Variants in EHMT1 observed in about 807,000 individuals in gnomAD.
EHMT1 encodes histone-lysine N-methyltransferase EHMT1.
EHMT1 carries 15 observed loss-of-function variants against 147.2 expected under a neutral mutation model. The ratio of observed to expected loss-of-function variants is 0.10; its 90% CI spans 0.07 to 0.16. The LOEUF (loss-of-function observed/expected upper bound fraction) is 0.16. Among genes scored for constraint, EHMT1 ranks in the 10% least tolerant of loss-of-function variants. The pLI is 1.00. For missense variants in EHMT1, 1,587 were observed against 1,772.4 expected (o/e 0.90, Z 1.88); for synonymous variants, 795 against 709.6 (o/e 1.12, Z -1.91).
chr9:137,641,212 A>G (rs1844460820), intron 1 of EHMT1: 1 of 419,284 alleles, frequency 2.4e-6, no homozygotes, highest in South Asian at 1.9e-5. Context: ...CTGGTTCCTC[A>G]GGATGCCTCT....
At chr9:137,692,424 C>T (rs557283700) in intron 1 of EHMT1, among the ~76,000 whole-genome samples, 5 of 151,850 alleles carry the variant, frequency 3.3e-5, no homozygotes, top group South Asian at 4.2e-4. Context: ...ACCACCGCGC[C>T]GGGCTAGTGT....
At chr9:137,717,229 G>A (rs759574667) in intron 3 of EHMT1, 47 bp downstream of exon 3, 8 of 1,601,086 alleles carry the variant, frequency 5.0e-6, no homozygotes, top group Non-Finnish European at 5.9e-6. Flanking sequence ...CATCTCTTTT[G>A]TTTTAATAAC....
intron 1 of EHMT1, chr9:137,676,629 GC>G (rs376869291): frequency 5.8e-4 from 88 of 152,614 alleles, no homozygotes; most frequent in African/African-American, 1.9e-3. Context: ...CCCTGCCCCC[GC>G]AAGCCTTTAC....
At chr9:137,694,243 G>C (rs10123486) in intron 1 of EHMT1, among the ~76,000 whole-genome samples, 1 of 96,974 alleles carries the variant, frequency 1.0e-5, no homozygotes, top group Admixed American at 1.1e-4. Flanking sequence ...CAGGACGCTG[G>C]CCGATACCCC....
At chr9:137,791,815 T>C (rs1952547316) in intron 16 of EHMT1, among the ~76,000 whole-genome samples, 1 of 152,170 alleles carries the variant, frequency 6.6e-6, no homozygotes, top group Non-Finnish European at 1.5e-5. Flanking sequence ...TACTGCAACC[T>C]CCACCTCCCA....
chr9:137,756,402 T>C (rs985447340), intron 8 of EHMT1, among the ~76,000 whole-genome samples: 4 of 152,352 alleles, frequency 2.6e-5, no homozygotes, highest in East Asian at 1.9e-4. Flanking sequence ...TTTGTTCTTA[T>C]TCACAGTGAT....
chr9:137,821,463 G>A (rs1287783941), intron 25 of EHMT1, among the ~76,000 whole-genome samples: 1 of 151,702 alleles, frequency 6.6e-6, no homozygotes, highest in Non-Finnish European at 1.5e-5. Flanking sequence ...AAGTAGGTAG[G>A]ACTACAAGTG....
intron 16 of EHMT1, among the ~76,000 whole-genome samples, chr9:137,796,147 C>A (rs769231932): frequency 2.6e-5 from 4 of 152,206 alleles, no homozygotes; most frequent in Non-Finnish European, 5.9e-5. Flanking sequence ...TGGAGAAGCG[C>A]GCTTGCACGT....
At chr9:137,621,673 G>A (rs1004633394) in intron 1 of EHMT1, among the ~76,000 whole-genome samples, 1 of 152,038 alleles carries the variant, frequency 6.6e-6, no homozygotes, top group African/African-American at 2.4e-5. Context: ...TTCCCCATTT[G>A]TGGATTAGTT....
intron 18 of EHMT1, among the ~76,000 whole-genome samples, chr9:137,801,650 G>C (rs112780689): frequency 0.15 from 22,985 of 152,044 alleles, 5,662 homozygotes; most frequent in African/African-American, 0.52. Context: ...AGGCGCCCAC[G>C]ACCACACCTG....
In EHMT1 at chr9:137,834,968, G is replaced by A; in HGVS notation, c.*15G>A. 1 of 1,401,080 alleles carries A rather than the reference G, an allele frequency of 7.1e-7. No individual in the cohort carries two copies. Among genetic ancestry groups the A allele is most frequent in the South Asian group, 1.6e-5 (1 of 63,242 alleles). The allele number at this position is 1,401,080 out of a possible 1,614,324, so 86.8% of individuals were successfully genotyped here. A position where few individuals can be genotyped will look rare whatever the true frequency, so the allele number is the denominator to read the frequency against. ...ACCCCCTATGAGACGCCGCCGGCCA[G>A]CGGGGCGCTCGGGAGCCAGGGACCG... On this transcript the variant is annotated 3_prime_UTR_variant, in exon 27 of 27. Transcript: ENST00000460843.
chr9:137,715,922 T>C (rs1945176619), intron 2 of EHMT1: 1 of 863,222 alleles, frequency 1.2e-6, no homozygotes, highest in South Asian at 5.3e-5. Flanking sequence ...GAAATGTTTA[T>C]GTTTAATATG....
chr9:137,665,619 G>C (rs1646050267), intron 1 of EHMT1, among the ~76,000 whole-genome samples: 3 of 152,182 alleles, frequency 2.0e-5, no homozygotes, highest in Admixed American at 2.0e-4. Context: ...TCCATGTCTA[G>C]GTTTTTGTTA....
chr9:137,792,444 C>G (rs1049729835), intron 16 of EHMT1, among the ~76,000 whole-genome samples: 1 of 152,234 alleles, frequency 6.6e-6, no homozygotes, highest in Non-Finnish European at 1.5e-5. Context: ...GTGGCTCACG[C>G]CTGTAATCCC....
intron 2 of EHMT1, 39 bp downstream of exon 2, chr9:137,711,069 C>T (rs958099562): frequency 1.3e-6 from 2 of 1,557,882 alleles, no homozygotes; most frequent in Non-Finnish European, 8.7e-7. Flanking sequence ...AGCAGCGCCT[C>T]CCTCCAGACT....
At chr9:137,796,536 C>G (rs1210153257) in intron 16 of EHMT1, among the ~76,000 whole-genome samples, 1 of 151,740 alleles carries the variant, frequency 6.6e-6, no homozygotes, top group Non-Finnish European at 1.5e-5. Context: ...AACCCCGTCT[C>G]TACTAAAAAT....
rs576010542 is a variant in EHMT1, at chr9:137,776,226, G to A, written c.1792-392G>A. ...AACCACATCTGCTGCGCACTGCTGG[G>A]CACTGAGGCAGCTCCACCTGCCTGA... is the stretch of plus-strand genomic sequence containing the variant. On this transcript the variant is annotated intron_variant, in intron 11 of 26. Transcript: ENST00000460843. The surrounding 1 kb of genome is among the most constrained non-coding windows in gnomAD (Gnocchi z 4.4). Among the ~76,000 whole-genome samples the A allele has an allele frequency of 1.3e-5, 2 of 152,274 alleles. No homozygotes were observed. The highest frequency in any genetic ancestry group is 3.9e-4 in the East Asian group (2 of 5,162).
At chr9:137,796,621 G>C (rs920576919) in intron 16 of EHMT1, among the ~76,000 whole-genome samples, 1 of 150,322 alleles carries the variant, frequency 6.7e-6, no homozygotes, top group Non-Finnish European at 1.5e-5. Flanking sequence ...GGAGAATGAC[G>C]TGAACCTGGG....
intron 4 of EHMT1, among the ~76,000 whole-genome samples, chr9:137,728,996 T>C (rs1946864155): frequency 6.6e-6 from 1 of 152,142 alleles, no homozygotes; most frequent in African/African-American, 2.4e-5. Context: ...TATGGCCAGT[T>C]CCGGGAGTGG....
Sources: gnomAD v4.1 joint callset for allele counts (sites outside exome capture counted in the v4.1 genomes callset) on GRCh38, gnomAD v4.1.1 for gene constraint, Gnocchi (gnomAD v3.1) non-coding constraint, MANE v1.5 for transcripts, NCBI Gene and HGNC (gene_info 2026-07-23, HGNC 2026-07-21) for gene names.